Variants in GRM7 observed in about 807,000 individuals in gnomAD.
The protein encoded by GRM7 is metabotropic glutamate receptor 7.
A neutral mutation model predicts 84.5 loss-of-function variants in GRM7; 35 were observed. That is an observed-to-expected ratio of 0.41 (90% CI 0.32 to 0.55). The LOEUF is 0.55. Ranked by LOEUF, GRM7 falls within the 20% of genes least tolerant of loss-of-function variation. The pLI, the probability that GRM7 is intolerant of heterozygous loss-of-function variation, is 0.19. For missense variants in GRM7, 1,003 were observed against 1,194.6 expected (o/e 0.84, Z 2.36); for synonymous variants, 487 against 455.1 (o/e 1.07, Z -0.89).
At chr3:7,146,429 G>T (rs3749448) in intron 1 of GRM7, 23 bp from the exon 2 acceptor site, 1 of 1,562,478 alleles carries the variant, frequency 6.4e-7, no homozygotes, top group Non-Finnish European at 8.8e-7. Flanking sequence ...GCACTCTCAC[G>T]TGGTGCTTTC....
intron 9 of GRM7, among the ~76,000 whole-genome samples, chr3:7,726,642 T>C (rs1428007240): frequency 8.8e-6 from 1 of 113,128 alleles, no homozygotes; most frequent in Non-Finnish European, 1.9e-5. Context: ...TATATATATA[T>C]ATATATATAT....
chr3:7,476,187 C>A (rs980956376), intron 7 of GRM7, among the ~76,000 whole-genome samples: 1 of 152,162 alleles, frequency 6.6e-6, no homozygotes, highest in Non-Finnish European at 1.5e-5. Flanking sequence ...CTTCATCCCC[C>A]CATCTGCAAA....
At chr3:6,994,598 A>G (rs1305439756) in intron 1 of GRM7, among the ~76,000 whole-genome samples, 7 of 152,218 alleles carry the variant, frequency 4.6e-5, no homozygotes, top group Non-Finnish European at 8.8e-5. Context: ...TTTTTAAAAG[A>G]ACGTTGGTCA....
chr3:7,578,333 CT>C (rs1455489256), intron 7 of GRM7, 88 bp from the exon 8 acceptor site: 3 of 808,992 alleles, frequency 3.7e-6, no homozygotes, highest in African/African-American at 1.7e-5. Flanking sequence ...TCATATGTCA[CT>C]TGCCATGAGT....
At chr3:7,048,387 T>C (rs757039663) in intron 1 of GRM7, among the ~76,000 whole-genome samples, 1 of 151,946 alleles carries the variant, frequency 6.6e-6, no homozygotes, top group African/African-American at 2.4e-5. Context: ...TTAAAATTAG[T>C]GTTTGTAGTG....
At chr3:7,634,879 T>C (rs1372011655) in intron 8 of GRM7, among the ~76,000 whole-genome samples, 1 of 152,184 alleles carries the variant, frequency 6.6e-6, no homozygotes, top group Non-Finnish European at 1.5e-5. Flanking sequence ...TTGAATATTT[T>C]ACCCACAAAA....
rs145730855 is a variant in GRM7 at position 7,601,876 on chromosome 3, A to C, written c.2451+22519A>C. ...TGGAAGAAGTGTCATTCCTTGACCA[A>C]TAGTAGTTGCCAGGGTAATGCCATG... is the stretch of plus-strand genomic sequence containing the variant. On this transcript the variant is annotated intron_variant, in intron 8 of 9. Coordinates refer to ENST00000357716, the MANE Select transcript of GRM7 (RefSeq NM_000844.4). 1.4e-3 allele frequency among the ~76,000 whole-genome samples: 208 copies of C among 152,186 alleles called. 2 individuals are homozygous for C. Among genetic ancestry groups the C allele is most frequent in the Admixed American group, 3.8e-3 (58 of 15,254 alleles).
chr3:7,064,436 G>A (rs1384697796), intron 1 of GRM7, among the ~76,000 whole-genome samples: 1 of 124,790 alleles, frequency 8.0e-6, no homozygotes, highest in Non-Finnish European at 1.7e-5. Flanking sequence ...TGGCTGAATA[G>A]TATTCCCTCA....
intron 1 of GRM7, among the ~76,000 whole-genome samples, chr3:7,136,070 T>G (rs1165282131): frequency 1.3e-5 from 2 of 152,120 alleles, no homozygotes; most frequent in Non-Finnish European, 2.9e-5. Flanking sequence ...TAAACTTGAC[T>G]CAATCTTGTC....
intron 8 of GRM7, among the ~76,000 whole-genome samples, chr3:7,597,727 G>GT (rs1017044393): frequency 1.3e-5 from 2 of 151,914 alleles, no homozygotes; most frequent in Non-Finnish European, 2.9e-5. Context: ...CTTAAAGTAT[G>GT]TTTTTTTGCT....
At chr3:7,281,935 T>C (rs544450375) in intron 2 of GRM7, among the ~76,000 whole-genome samples, 1 of 152,224 alleles carries the variant, frequency 6.6e-6, no homozygotes, top group Non-Finnish European at 1.5e-5. Context: ...CAGAAGAAAT[T>C]AGCCGGGCGT....
intron 1 of GRM7, among the ~76,000 whole-genome samples, chr3:7,139,341 G>A (rs112759018): frequency 1.1e-3 from 160 of 151,700 alleles, no homozygotes; most frequent in African/African-American, 3.7e-3. Context: ...GCAACACACA[G>A]CATTCAGAAT....
intron 4 of GRM7, among the ~76,000 whole-genome samples, chr3:7,335,998 T>C (rs1445822044): frequency 2.6e-5 from 4 of 151,974 alleles, no homozygotes; most frequent in South Asian, 2.1e-4. Flanking sequence ...ACCAATCCTA[T>C]TGAAACTATT....
chr3:6,906,620 G>T (rs144937377), intron 1 of GRM7, among the ~76,000 whole-genome samples: 1 of 151,940 alleles, frequency 6.6e-6, no homozygotes, highest in Non-Finnish European at 1.5e-5. Flanking sequence ...AGACAAATGG[G>T]TCCTATCATG....
chr3:6,994,018 A>T (rs554462583), intron 1 of GRM7, among the ~76,000 whole-genome samples: 1 of 152,322 alleles, frequency 6.6e-6, no homozygotes, highest in African/African-American at 2.4e-5. Flanking sequence ...CAAAAATAGA[A>T]AACGATAATT....
At position 6,863,102 on chromosome 3, in the gene GRM7, C is replaced by G; in HGVS notation, c.519+1195C>G. The G allele has an allele frequency of 2.6e-6, 1 of 383,644 alleles. No individual in the cohort carries two copies. Among genetic ancestry groups the G allele is most frequent in the Non-Finnish European group, 5.1e-6 (1 of 194,692 alleles). 23.8% of individuals were successfully genotyped at this position (383,644 alleles called of 1,614,324 possible). The stretch of plus-strand genomic sequence containing the variant: ...TTTCCCTATATGTGCATCACTCTCT[C>G]TTTCTGTCTCTGTCTCCTTGCTGTT... On this transcript the variant is annotated intron_variant, in intron 1 of 9. Coordinates refer to ENST00000357716, the MANE Select transcript of GRM7 (RefSeq NM_000844.4). This position sits in a 1 kb window ranked among gnomAD's most constrained non-coding sequence, Gnocchi z 4.8.
chr3:7,453,506 T>C (rs1697866313), intron 6 of GRM7, among the ~76,000 whole-genome samples: 1 of 152,142 alleles, frequency 6.6e-6, no homozygotes, highest in Admixed American at 6.6e-5. Flanking sequence ...GTAAAACACT[T>C]ACTTAAATTT....
intron 1 of GRM7, among the ~76,000 whole-genome samples, chr3:7,062,816 G>T (rs376744330): frequency 1.3e-5 from 2 of 151,868 alleles, no homozygotes; most frequent in African/African-American, 4.8e-5. Flanking sequence ...TAGTGCACAA[G>T]AGATTGAATT....
intron 7 of GRM7, among the ~76,000 whole-genome samples, chr3:7,565,388 G>A (rs1166070627): frequency 6.6e-6 from 1 of 152,150 alleles, no homozygotes; most frequent in African/African-American, 2.4e-5. Flanking sequence ...GACTTTAATC[G>A]AGTCTCATTT....
Sources: allele counts gnomAD v4.1 joint callset (sites outside exome capture counted in the v4.1 genomes callset), GRCh38; gene constraint gnomAD v4.1.1; non-coding constraint Gnocchi (gnomAD v3.1); transcripts MANE v1.5; gene names NCBI Gene and HGNC (gene_info 2026-07-23, HGNC 2026-07-21).